The following STPG2 variants were observed in gnomAD, a reference collection of about 807,000 sequenced individuals.
The protein encoded by STPG2 is sperm-tail PG-rich repeat-containing protein 2.
STPG2 carries 56 observed loss-of-function variants against 54.2 expected under a neutral mutation model. The observed-to-expected ratio is 1.03, with a 90% CI of 0.83 to 1.29. The LOEUF (loss-of-function observed/expected upper bound fraction) is 1.29. Ranked by LOEUF, STPG2 falls within the 50% of genes most tolerant of loss-of-function variation. The pLI, the probability that STPG2 is intolerant of heterozygous loss-of-function variation, is 0.00. For missense variants in STPG2, 596 were observed against 544.9 expected (o/e 1.09, Z -0.93); for synonymous variants, 200 against 181.8 (o/e 1.10, Z -0.81).
intron 9 of STPG2, among the ~76,000 whole-genome samples, chr4:97,792,220 AG>A (rs1727015781): frequency 1.3e-5 from 2 of 152,224 alleles, no homozygotes; most frequent in Non-Finnish European, 1.5e-5. Context: ...TATACTATAT[AG>A]TTCTAGCTAT....
At chr4:97,672,166 C>CTTTTTTTTTTT (rs70953079) in intron 10 of STPG2, among the ~76,000 whole-genome samples, 3 of 80,686 alleles carry the variant, frequency 3.7e-5, no homozygotes, top group East Asian at 4.1e-4. Flanking sequence ...ACTGGTAATT[C>CTTTTTTTTTTT]TTTTTTTTTT....
At chr4:97,997,742 A>G (rs370172988) in intron 5 of STPG2, among the ~76,000 whole-genome samples, 1 of 152,162 alleles carries the variant, frequency 6.6e-6, no homozygotes, top group African/African-American at 2.4e-5. Flanking sequence ...ATTATCCTAA[A>G]TGAACTAACA....
chr4:97,509,284 A>C (rs959567850), intron 4 of STPG2, among the ~76,000 whole-genome samples: 2 of 152,076 alleles, frequency 1.3e-5, no homozygotes, highest in African/African-American at 2.4e-5. Flanking sequence ...CTTCAGATGG[A>C]AATTTATATA....
At chr4:98,063,552 A>G (rs1448308486) in intron 5 of STPG2, among the ~76,000 whole-genome samples, 2 of 152,214 alleles carry the variant, frequency 1.3e-5, no homozygotes, top group African/African-American at 4.8e-5. Context: ...CCAAGACATT[A>G]AATCATAGAA....
At chr4:97,508,846 AG>A (rs1040906548) in intron 4 of STPG2, among the ~76,000 whole-genome samples, 1 of 152,110 alleles carries the variant, frequency 6.6e-6, no homozygotes. Context: ...TTTATACTAG[AG>A]GGCCAAAGTA....
chr4:97,708,198 GT>G (rs145251625), intron 10 of STPG2, among the ~76,000 whole-genome samples: 3,250 of 151,980 alleles, frequency 0.021, 71 homozygotes, highest in African/African-American at 0.059. Flanking sequence ...ATGTGGGAAT[GT>G]TTTTTTAAAA....
At chr4:97,629,372 A>T (rs1464250013) in intron 10 of STPG2, among the ~76,000 whole-genome samples, 1 of 152,078 alleles carries the variant, frequency 6.6e-6, no homozygotes, top group African/African-American at 2.4e-5. Flanking sequence ...TACTTAAGAT[A>T]AAAAACTGGA....
chr4:97,983,239 T>A (rs1734732893), intron 5 of STPG2, among the ~76,000 whole-genome samples: 1 of 152,252 alleles, frequency 6.6e-6, no homozygotes, highest in Non-Finnish European at 1.5e-5. Context: ...TCCTTGTGAT[T>A]TTTTAATAAC....
At chr4:97,939,158 C>T (rs1049208451) in intron 8 of STPG2, among the ~76,000 whole-genome samples, 1 of 152,156 alleles carries the variant, frequency 6.6e-6, no homozygotes, top group Non-Finnish European at 1.5e-5. Flanking sequence ...ATTTTTGTCA[C>T]ACTGTGGTCC....
At chr4:97,531,232 AG>A (rs1315105571) in intron 4 of STPG2, among the ~76,000 whole-genome samples, 6 of 152,336 alleles carry the variant, frequency 3.9e-5, no homozygotes, top group African/African-American at 1.4e-4. Context: ...TGTGGAGAAA[AG>A]GGAACACTTG....
intron 5 of STPG2, among the ~76,000 whole-genome samples, chr4:97,988,842 G>A (rs553562842): frequency 2.6e-5 from 4 of 152,292 alleles, no homozygotes; most frequent in South Asian, 4.1e-4. Context: ...GTCTTGAACC[G>A]AGCTCAAGCG....
intron 1 of STPG2, among the ~76,000 whole-genome samples, chr4:98,142,560 ATC>A (rs1740328790): frequency 1.3e-5 from 2 of 151,548 alleles, no homozygotes; most frequent in Admixed American, 6.6e-5. Context: ...GGTCAGAAAA[ATC>A]TGTCTGAAAA....
chr4:98,030,595 A>G (rs939825075), intron 5 of STPG2, among the ~76,000 whole-genome samples: 6 of 152,224 alleles, frequency 3.9e-5, no homozygotes, highest in African/African-American at 1.2e-4. Flanking sequence ...AAGCAAAAAG[A>G]AAAAAGCTAG....
At chr4:97,803,898 T>A (rs568654027) in intron 9 of STPG2, among the ~76,000 whole-genome samples, 1 of 152,286 alleles carries the variant, frequency 6.6e-6, no homozygotes, top group East Asian at 1.9e-4. Context: ...CGATGTCACG[T>A]TATTTCAATT....
intron 9 of STPG2, among the ~76,000 whole-genome samples, chr4:97,804,308 G>T (rs999983557): frequency 1.3e-5 from 2 of 151,998 alleles, no homozygotes; most frequent in Non-Finnish European, 2.9e-5. Flanking sequence ...TCCAACAGTG[G>T]CCCCATAAAA....
intron 10 of STPG2, among the ~76,000 whole-genome samples, chr4:97,624,507 G>A (rs1403003816): frequency 4.6e-5 from 7 of 151,982 alleles, no homozygotes; most frequent in African/African-American, 9.7e-5. Context: ...TAAGTTCCTC[G>A]TAAATTCTGG....
intron 10 of STPG2, among the ~76,000 whole-genome samples, chr4:97,611,016 A>C (rs1335462950): frequency 1.3e-5 from 2 of 152,088 alleles, no homozygotes; most frequent in African/African-American, 4.8e-5. Context: ...ATTTGAATTA[A>C]AATATTTTCT....
intron 9 of STPG2, among the ~76,000 whole-genome samples, chr4:97,823,684 A>C (rs573971232): frequency 8.5e-5 from 13 of 152,268 alleles, no homozygotes; most frequent in Non-Finnish European, 1.8e-4. Flanking sequence ...CTTTCTGGCG[A>C]ACCACAGAAG....
At chr4:97,685,190 T>G (rs959353911) in intron 10 of STPG2, among the ~76,000 whole-genome samples, 21 of 152,200 alleles carry the variant, frequency 1.4e-4, no homozygotes, top group African/African-American at 5.1e-4. Flanking sequence ...TATAGTCTTA[T>G]CATATGATGC....
Sources: gnomAD v4.1 joint callset for allele counts (sites outside exome capture counted in the v4.1 genomes callset) on GRCh38, gnomAD v4.1.1 for gene constraint, MANE v1.5 for transcripts, NCBI Gene and HGNC (gene_info 2026-07-23, HGNC 2026-07-21) for gene names.